FADS2: variants seen among roughly 807,000 people sequenced by gnomAD.
FADS2 encodes acyl-CoA 6-desaturase.
Under a neutral mutation model 61.2 loss-of-function variants are expected in FADS2, and 18 were observed. That is an observed-to-expected ratio of 0.29 (90% CI 0.20 to 0.44). FADS2 has a LOEUF of 0.44. Ranked by LOEUF, FADS2 falls within the 20% of genes least tolerant of loss-of-function variation. The probability of loss-of-function intolerance (pLI) is 1.00; values close to 1 mark genes in which losing one functional copy is unlikely to be tolerated. For synonymous variants in FADS2, 203 were observed against 223.9 expected, an observed-to-expected ratio of 0.91 and a Z score of 0.83; for missense variants, 322 against 572.7, an observed-to-expected ratio of 0.56 and a Z score of 4.47.
At chr11:61,846,463 G>A (rs935017121) in intron 4 of FADS2, 1 of 147,646 alleles carries the variant, frequency 6.8e-6, no homozygotes, top group African/African-American at 2.5e-5. Flanking sequence ...AGGCCTGCCA[G>A]TTTCCAGGGC....
intron 2 of FADS2, among the ~76,000 whole-genome samples, chr11:61,839,600 G>A (rs1310578889): frequency 1.3e-5 from 2 of 152,162 alleles, no homozygotes; most frequent in Non-Finnish European, 1.5e-5. Context: ...TGGGATTAAA[G>A]TTTTCTTTTT....
Position 61,857,009 on chromosome 11 carries a change from A to C in FADS2, c.745-2A>C. ...TGCTCATGATCTCTCCTCTCTCCTC[A>C]GTACGGCAAGAAGAAGCTGAAATAC... On this transcript the variant is annotated splice_acceptor_variant, in intron 5 of 11. Coordinates refer to ENST00000278840, the MANE Select transcript of FADS2 (RefSeq NM_004265.4). LOFTEE classifies it high-confidence loss of function. 6.2e-7 allele frequency: 1 copy of C among 1,613,586 alleles called. No individual in the cohort carries two copies. Among genetic ancestry groups the C allele is most frequent in the Non-Finnish European group, 8.5e-7 (1 of 1,179,588 alleles).
intron 10 of FADS2, chr11:61,864,100 A>T (rs906704233): frequency 1.5e-5 from 5 of 337,154 alleles, no homozygotes; most frequent in African/African-American, 1.0e-4. Context: ...CTGTGAGGCT[A>T]GCAGGGCAGG....
intron 1 of FADS2, among the ~76,000 whole-genome samples, chr11:61,832,738 T>C (rs1331526145): frequency 6.6e-6 from 1 of 152,220 alleles, no homozygotes; most frequent in African/African-American, 2.4e-5. Flanking sequence ...GCTCTTCATT[T>C]CCACTGGAGA....
At chr11:61,846,842 G>A (rs1003883276) in intron 4 of FADS2, 8 of 152,238 alleles carry the variant, frequency 5.3e-5, no homozygotes, top group African/African-American at 1.9e-4. Flanking sequence ...GTTAGCAGTT[G>A]TTTGTTGAGC....
chr11:61,831,746 C>A (rs565745873), intron 1 of FADS2, among the ~76,000 whole-genome samples: 34 of 152,312 alleles, frequency 2.2e-4, no homozygotes, highest in Non-Finnish European at 4.7e-4. Flanking sequence ...GCTTAAGTGG[C>A]AGTGCTCAGA....
At chr11:61,824,476 G>A (rs371467863), upstream of FADS2, among the ~76,000 whole-genome samples, 60 of 10,418 alleles carry the variant, frequency 5.8e-3, 3 homozygotes, top group East Asian at 0.037. Context: ...GAGAGAGAGA[G>A]AGAGAGAGAG....
chr11:61,819,604 T>A (rs2067021769), intron 1 of FADS2, among the ~76,000 whole-genome samples: 1 of 152,224 alleles, frequency 6.6e-6, no homozygotes, highest in Non-Finnish European at 1.5e-5. Flanking sequence ...GCAGTATCTA[T>A]GATAGCGGGA....
chr11:61,851,575 C>G (rs990411996), intron 5 of FADS2, among the ~76,000 whole-genome samples: 9 of 152,226 alleles, frequency 5.9e-5, no homozygotes, highest in African/African-American at 2.2e-4. Context: ...TGGAAGGAAC[C>G]CTGGTCTCTT....
intron 8 of FADS2, 31 bp from the exon 9 acceptor site, chr11:61,863,251 G>A: frequency 1.3e-6 from 2 of 1,576,984 alleles, no homozygotes; most frequent in Non-Finnish European, 1.7e-6. Flanking sequence ...GGCCCCCGGA[G>A]GCCCCTGCGC....
At chr11:61,824,438 G>GA (rs2067058078), upstream of FADS2, among the ~76,000 whole-genome samples, 1 of 4,112 alleles carries the variant, frequency 2.4e-4, no homozygotes, top group African/African-American at 4.8e-4. Context: ...GAGAGAGGGA[G>GA]GGAGGGAGGG....
intron 7 of FADS2, among the ~76,000 whole-genome samples, chr11:61,858,803 C>G (rs866837710): frequency 1.1e-4 from 16 of 152,210 alleles, no homozygotes; most frequent in Admixed American, 2.6e-4. Flanking sequence ...CCAGGCTGGT[C>G]TCGAACTCTT....
chr11:61,864,455 G>A (rs174622), intron 10 of FADS2, among the ~76,000 whole-genome samples: 28,382 of 151,862 alleles, frequency 0.19, 2,902 homozygotes, highest in Middle Eastern at 0.32. Context: ...GGGCAGTGGC[G>A]CAATCTCGGC....
At chr11:61,827,942 C>A, upstream of FADS2, 2 of 711,810 alleles carry the variant, frequency 2.8e-6, no homozygotes, top group Non-Finnish European at 3.5e-6. The surrounding 1 kb of genome is among the most constrained non-coding windows in gnomAD (Gnocchi z 4.5). Flanking sequence ...TCCTCCTGGG[C>A]CAATGGCAGG....
chr11:61,816,935 G>A lies in FADS2; in HGVS notation c.141+509G>A, dbSNP rs938895535. 22 of 1,382,420 alleles carry A rather than the reference G, an allele frequency of 1.6e-5. No individual in the cohort carries two copies. In the African/African-American group the frequency reaches 2.3e-4, roughly 14 times the overall value. 85.6% of individuals were successfully genotyped at this position (1,382,420 alleles called of 1,614,324 possible). On this transcript the variant is annotated intron_variant, in intron 1 of 11. Transcript: ENST00000257261. This position sits in a 1 kb window ranked among gnomAD's most constrained non-coding sequence, Gnocchi z 7.0. ...CTCGCAGCGCGCGTTCCCATTGGCC[G>A]AGCCTCGTGGCGCGGGGAGCGAGAT...
At position 61,866,245 on chromosome 11, in the gene FADS2, G is replaced by T. The variant is rs2067469427; in HGVS notation, c.*556G>T. 5.3e-6 allele frequency: 2 copies of T among 375,724 alleles called. No homozygotes were observed. The highest frequency in any genetic ancestry group is 4.2e-5 in the African/African-American group (2 of 48,190). 23.3% of individuals were successfully genotyped at this position (375,724 alleles called of 1,614,324 possible). ...GTTACAAAGCTCGGGTCTCCCTCCTGCAGCTCGGTTAAGTACCCGAGGCCT... is the reference window on the plus strand; with the variant it reads ...GTTACAAAGCTCGGGTCTCCCTCCTTCAGCTCGGTTAAGTACCCGAGGCCT... On this transcript the variant is annotated 3_prime_UTR_variant, in exon 12 of 12. Transcript: ENST00000278840.
intron 1 of FADS2, among the ~76,000 whole-genome samples, chr11:61,822,290 G>A (rs2135948000): frequency 6.6e-6 from 1 of 152,220 alleles, no homozygotes; most frequent in South Asian, 2.1e-4. Flanking sequence ...TCATTGTATA[G>A]AATATAGATG....
intron 7 of FADS2, among the ~76,000 whole-genome samples, chr11:61,861,790 A>G (rs537739811): frequency 6.6e-6 from 1 of 152,326 alleles, no homozygotes; most frequent in South Asian, 2.1e-4. Flanking sequence ...ACAGCCAAGC[A>G]GGCACAAATG....
At chr11:61,824,459 G>GGAGA (rs1157000186), upstream of FADS2, among the ~76,000 whole-genome samples, 1 of 5,866 alleles carries the variant, frequency 1.7e-4, no homozygotes, top group African/African-American at 5.5e-4. Flanking sequence ...AGGGAGGGAG[G>GGAGA]GAGAGAGAGA....
Sources: allele counts gnomAD v4.1 joint callset (sites outside exome capture counted in the v4.1 genomes callset), GRCh38; gene constraint gnomAD v4.1.1; non-coding constraint Gnocchi (gnomAD v3.1); transcripts MANE v1.5; gene names NCBI Gene and HGNC (gene_info 2026-07-23, HGNC 2026-07-21).